The following PPP2R2B variants were observed in gnomAD, a reference collection of about 807,000 sequenced individuals.
The protein encoded by PPP2R2B is serine/threonine-protein phosphatase 2A 55 kDa regulatory subunit B beta isoform.
Under a neutral mutation model 46.0 loss-of-function variants are expected in PPP2R2B, and 5 were observed. The ratio of observed to expected loss-of-function variants is 0.11; its 90% CI spans 0.06 to 0.23. The LOEUF (loss-of-function observed/expected upper bound fraction) is 0.23, where lower values mean the gene tolerates loss of function less well. Among genes scored for constraint, PPP2R2B ranks in the 10% least tolerant of loss-of-function variants. The pLI is 1.00. For missense variants in PPP2R2B, 367 were observed against 575.0 expected, an observed-to-expected ratio of 0.64 and a Z score of 3.70; for synonymous variants, 215 against 206.7, an observed-to-expected ratio of 1.04 and a Z score of -0.34.
At chr5:146,625,484 C>A (rs929621005) in intron 7 of PPP2R2B, among the ~76,000 whole-genome samples, 5 of 152,168 alleles carry the variant, frequency 3.3e-5, no homozygotes, top group African/African-American at 1.2e-4. Context: ...AGCACTTTCA[C>A]TGTCCTAAAT....
At chr5:146,668,458 C>T (rs1215367882) in intron 5 of PPP2R2B, among the ~76,000 whole-genome samples, 3 of 152,148 alleles carry the variant, frequency 2.0e-5, no homozygotes, top group Admixed American at 1.3e-4. Flanking sequence ...CTTAGAAGTG[C>T]TATGAGCCCT....
At chr5:146,894,232 G>A (rs966733245) in intron 1 of PPP2R2B, among the ~76,000 whole-genome samples, 1 of 152,110 alleles carries the variant, frequency 6.6e-6, no homozygotes, top group Admixed American at 6.5e-5. Flanking sequence ...CAATTGCCCT[G>A]CTTAAAGTTC....
chr5:146,829,078 T>C (rs750030137), intron 2 of PPP2R2B, among the ~76,000 whole-genome samples: 3 of 152,164 alleles, frequency 2.0e-5, no homozygotes, highest in Non-Finnish European at 4.4e-5. Context: ...CTGCTTAATG[T>C]GATTTAGAGT....
chr5:146,997,174 G>C (rs766330940), intron 1 of PPP2R2B, among the ~76,000 whole-genome samples: 2 of 152,114 alleles, frequency 1.3e-5, no homozygotes, highest in Non-Finnish European at 2.9e-5. Flanking sequence ...AAAAGGCATA[G>C]TGCCTTACCA....
chr5:146,997,819 C>G (rs907269982), intron 1 of PPP2R2B, among the ~76,000 whole-genome samples: 4 of 152,040 alleles, frequency 2.6e-5, no homozygotes, highest in Non-Finnish European at 5.9e-5. Flanking sequence ...TACCCAGAAG[C>G]CTTAGGTAAA....
intron 7 of PPP2R2B, among the ~76,000 whole-genome samples, chr5:146,635,695 C>T (rs572500831): frequency 2.6e-4 from 40 of 152,330 alleles, no homozygotes; most frequent in Admixed American, 5.9e-4. Flanking sequence ...ACAGCATGTC[C>T]GGTACTGAGT....
At chr5:146,856,392 A>G (rs757581588) in intron 2 of PPP2R2B, 3 of 805,302 alleles carry the variant, frequency 3.7e-6, no homozygotes, top group Non-Finnish European at 6.0e-6. Flanking sequence ...TAAAAAATGT[A>G]AATTAACTTG....
intron 2 of PPP2R2B, among the ~76,000 whole-genome samples, chr5:146,852,963 A>G (rs1230884666): frequency 1.3e-5 from 2 of 152,160 alleles, no homozygotes; most frequent in Non-Finnish European, 2.9e-5. Flanking sequence ...AGATTCTTCA[A>G]AGGAATTGGA....
At chr5:147,006,450 T>G (rs887368720) in intron 1 of PPP2R2B, among the ~76,000 whole-genome samples, 1 of 152,188 alleles carries the variant, frequency 6.6e-6, no homozygotes, top group Non-Finnish European at 1.5e-5. Context: ...TCCTAACTTC[T>G]AATCTTATGG....
intron 2 of PPP2R2B, among the ~76,000 whole-genome samples, chr5:146,769,670 C>G (rs1398375670): frequency 1.3e-5 from 2 of 152,178 alleles, no homozygotes; most frequent in African/African-American, 2.4e-5. Context: ...CGTGAACCAC[C>G]TTACCAATAT....
chr5:146,801,258 A>G (rs534207935), intron 2 of PPP2R2B, among the ~76,000 whole-genome samples: 55 of 152,344 alleles, frequency 3.6e-4, no homozygotes, highest in Middle Eastern at 3.4e-3. Flanking sequence ...GATGTACAGC[A>G]ATGTGACTAT....
intron 3 of PPP2R2B, among the ~76,000 whole-genome samples, 173 bp from the exon 4 acceptor site, chr5:146,698,317 A>AAAAAAAAT (rs1250416449): frequency 1.8e-4 from 15 of 85,648 alleles, no homozygotes; most frequent in East Asian, 3.9e-4. Context: ...AAAAAAAAAA[A>AAAAAAAAT]ATATATATAT....
At position 147,020,935 on chromosome 5, in the gene PPP2R2B, A is replaced by T. The variant is rs530541486; in HGVS notation, c.79+34730T>A. Among the ~76,000 whole-genome samples, 6 of 152,332 alleles carry T rather than the reference A, an allele frequency of 3.9e-5. No individual in the cohort carries two copies. In the East Asian group the frequency reaches 1.2e-3, roughly 29 times the overall value. ...CTAAATTTTCCAGGTCTATTATGAT[A>T]TTCTATATGCTATATTGTCATTAAT... On this transcript the variant is annotated intron_variant, in intron 1 of 8. Transcript: ENST00000336640.
chr5:146,929,787 G>A (rs893089147), intron 1 of PPP2R2B, among the ~76,000 whole-genome samples: 1 of 152,088 alleles, frequency 6.6e-6, no homozygotes, highest in African/African-American at 2.4e-5. Context: ...ATCTTGGCTT[G>A]CCATTTACAA....
At chr5:147,001,565 G>T (rs192106053) in intron 1 of PPP2R2B, among the ~76,000 whole-genome samples, 1 of 152,156 alleles carries the variant, frequency 6.6e-6, no homozygotes, top group Admixed American at 6.5e-5. Flanking sequence ...AACACTCACT[G>T]TGAGGCTCTG....
intron 1 of PPP2R2B, among the ~76,000 whole-genome samples, chr5:146,955,132 T>C (rs1033363035): frequency 2.0e-5 from 3 of 152,152 alleles, no homozygotes; most frequent in Non-Finnish European, 4.4e-5. Flanking sequence ...AAGCAGTCTT[T>C]ACCAAGAGCT....
At chr5:146,741,585 G>A (rs535197357) in intron 2 of PPP2R2B, among the ~76,000 whole-genome samples, 1 of 152,040 alleles carries the variant, frequency 6.6e-6, no homozygotes, top group Non-Finnish European at 1.5e-5. Flanking sequence ...GGTATAATAC[G>A]AAGGGCGACC....
rs1484988644 is a variant in PPP2R2B, at chr5:146,584,968, AC to A, written c.*4978del. ...TCTGCTTAGATGACACATTCTGAGA[AC>A]CTTTTCTTATCACTCATTGATTAAC... On this transcript the variant is annotated 3_prime_UTR_variant, in exon 10 of 10. Coordinates refer to ENST00000394411, the MANE Select transcript of PPP2R2B (RefSeq NM_181675.4). 6.6e-6 allele frequency: 1 copy of A among 152,144 alleles called. No individual in the cohort carries two copies. Among genetic ancestry groups the A allele is most frequent in the Non-Finnish European group, 1.5e-5 (1 of 68,028 alleles). 9.4% of individuals were successfully genotyped at this position (152,144 alleles called of 1,614,324 possible).
intron 2 of PPP2R2B, among the ~76,000 whole-genome samples, chr5:146,857,425 G>A (rs1760739248): frequency 6.6e-6 from 1 of 152,130 alleles, no homozygotes. Flanking sequence ...TAATTTTTTA[G>A]TATCTTAAAT....
Sources: gnomAD v4.1 joint callset for allele counts (sites outside exome capture counted in the v4.1 genomes callset) on GRCh38, gnomAD v4.1.1 for gene constraint, MANE v1.5 for transcripts, NCBI Gene and HGNC (gene_info 2026-07-23, HGNC 2026-07-21) for gene names.